Variants in DSG4 observed in about 807,000 individuals in gnomAD.
The protein encoded by DSG4 is desmoglein 4, also known as desmoglein-4.
DSG4 carries 87 observed loss-of-function variants against 93.1 expected under a neutral mutation model. That is an observed-to-expected ratio of 0.93 (90% CI 0.79 to 1.12). DSG4 has a LOEUF of 1.12. DSG4 is among the 50% of genes most tolerant of loss of function. DSG4 has a pLI of 0.00. For missense variants in DSG4, 1,373 were observed against 1,285.7 expected, an observed-to-expected ratio of 1.07 and a Z score of -1.04; for synonymous variants, 432 against 452.9, an observed-to-expected ratio of 0.95 and a Z score of 0.59.
chr18:31,387,380 A>G (rs1374212392), intron 3 of DSG4, among the ~76,000 whole-genome samples: 2 of 152,152 alleles, frequency 1.3e-5, no homozygotes, highest in Non-Finnish European at 2.9e-5. Flanking sequence ...CTTGATCCTG[A>G]ACAGTAAAGT....
intron 10 of DSG4, among the ~76,000 whole-genome samples, 183 bp from the exon 11 acceptor site, chr18:31,403,233 T>G (rs1458231005): frequency 6.6e-6 from 1 of 152,164 alleles, no homozygotes; most frequent in Non-Finnish European, 1.5e-5. Context: ...AGAAGCAGTG[T>G]GGCTGGAAGG....
chr18:31,409,555 G>C lies in DSG4; in HGVS notation c.2037G>C (p.Gln679His). ...PVPEGGEGVM[Q>H]SWRIEGAHPE... Reference sequence around the variant, plus strand: ...CTGAGGGCGGAGAAGGAGTGATGCAGTCTTGGAGAATTGAAGGGGCCCATC... The same window carrying C: ...CTGAGGGCGGAGAAGGAGTGATGCACTCTTGGAGAATTGAAGGGGCCCATC... Residue 679 changes from glutamine (Q) to histidine (H), a missense_variant, in exon 13 of 16, where the codon CAG (glutamine) becomes CAC (histidine). Coordinates refer to ENST00000308128, the MANE Select transcript of DSG4 (RefSeq NM_177986.5). 2 of 1,614,220 alleles carry C rather than the reference G, an allele frequency of 1.2e-6. No individual in the cohort carries two copies. The highest frequency in any genetic ancestry group is 1.1e-5 in the South Asian group (1 of 91,088).
At chr18:31,385,968 T>C (rs984555247) in intron 2 of DSG4, among the ~76,000 whole-genome samples, 2 of 152,140 alleles carry the variant, frequency 1.3e-5, no homozygotes, top group Non-Finnish European at 2.9e-5. Context: ...GGCTTGCACA[T>C]GTAGTGACAT....
intron 1 of DSG4, among the ~76,000 whole-genome samples, chr18:31,383,708 C>G (rs146181492): frequency 1.3e-5 from 2 of 152,104 alleles, no homozygotes; most frequent in Admixed American, 6.6e-5. Flanking sequence ...TCTTCTCTCC[C>G]AAATCCCCCT....
rs1157280689 is a variant in DSG4, at chr18:31,405,171, A to ATGGTTTAGC, written c.1637-903_1637-895dup. Among the ~76,000 whole-genome samples, 37 of 152,354 alleles carry ATGGTTTAGC rather than the reference A, an allele frequency of 2.4e-4. No homozygotes were observed. In the South Asian group the frequency reaches 5.4e-3, roughly 22 times the overall value. On this transcript the variant is annotated intron_variant, in intron 11 of 15. Transcript: ENST00000308128. ...GCTATGGATCAATCAGTTACTATTCATGGTTTAGCTGTAAATTTAATCATC... is the reference window on the plus strand; with the variant it reads ...GCTATGGATCAATCAGTTACTATTCATGGTTTAGCTGGTTTAGCTGTAAATTTAATCATC...
intron 1 of DSG4, among the ~76,000 whole-genome samples, chr18:31,382,703 G>T (rs1598734434): frequency 2.0e-5 from 3 of 152,058 alleles, no homozygotes; most frequent in Non-Finnish European, 4.4e-5. Flanking sequence ...GACAGGATTT[G>T]GAGGGTTTGG....
rs530406179 is a variant in DSG4 at position 31,404,743 on chromosome 18, G to A, written c.1636+1109G>A. ...TTTAATATTTTTTAAAGTTAATCAT[G>A]TTAAAGCAATTCCATTAATATCAAG... On this transcript the variant is annotated intron_variant, in intron 11 of 15. Transcript: ENST00000308128. Among the ~76,000 whole-genome samples the A allele has an allele frequency of 2.0e-4, 30 of 152,226 alleles. 1 individual carries two copies. The South Asian group carries it at 5.8e-3, about 29-fold the overall frequency.
chr18:31,377,149 G>A (rs897570964), intron 1 of DSG4, among the ~76,000 whole-genome samples, 190 bp downstream of exon 1: 11 of 152,068 alleles, frequency 7.2e-5, no homozygotes, highest in Admixed American at 5.9e-4. Flanking sequence ...ATAGAGAAGC[G>A]GGGTGAGAAT....
At chr18:31,379,163 G>T (rs1038837821) in intron 1 of DSG4, among the ~76,000 whole-genome samples, 3 of 152,180 alleles carry the variant, frequency 2.0e-5, no homozygotes, top group African/African-American at 4.8e-5. Flanking sequence ...GACAGGGGTG[G>T]TGAGGGACAT....
chr18:31,400,696 C>T (rs1016620786), intron 9 of DSG4, among the ~76,000 whole-genome samples, 185 bp from the exon 10 acceptor site: 3 of 151,946 alleles, frequency 2.0e-5, no homozygotes, highest in Admixed American at 6.6e-5. Flanking sequence ...ACTTGCAGAC[C>T]TGTATATTAA....
chr18:31,400,204 C>T (rs973229863), intron 9 of DSG4, among the ~76,000 whole-genome samples: 2 of 152,258 alleles, frequency 1.3e-5, no homozygotes, highest in South Asian at 2.1e-4. Flanking sequence ...TTAGAGTAAA[C>T]GAAGTCTACT....
In DSG4 at chr18:31,385,171, G is replaced by A. The variant is rs775474755; in HGVS notation, c.84G>A (p.Glu28=). 3.8e-6 allele frequency: 6 copies of A among 1,576,136 alleles called. No individual in the cohort carries two copies. The highest frequency in any genetic ancestry group is 1.2e-5 in the South Asian group (1 of 84,144). ...AAGTAAACAGTGAATTTATTGTTGAGGTAATGTAAAATAAAATTATTTTCT... is the reference window on the plus strand; with the variant it reads ...AAGTAAACAGTGAATTTATTGTTGAAGTAATGTAAAATAAAATTATTTTCT... ...VMEVNSEFIV[E]VKEFDIENGT... The change falls in exon 2 of 16, where the codon GAG becomes GAA. Residue 28 remains glutamate (E), a splice_region_variant and synonymous_variant. Coordinates refer to ENST00000308128, the MANE Select transcript of DSG4 (RefSeq NM_177986.5).
At chr18:31,388,016 T>A (rs529571800) in intron 3 of DSG4, among the ~76,000 whole-genome samples, 1 of 152,288 alleles carries the variant, frequency 6.6e-6, no homozygotes, top group South Asian at 2.1e-4. Context: ...CACAAGTTAT[T>A]TTTAAAAAAT....
At chr18:31,385,046 T>A in intron 1 of DSG4, 90 bp from the exon 2 acceptor site, 1 of 1,105,588 alleles carries the variant, frequency 9.0e-7, no homozygotes, top group Non-Finnish European at 1.4e-6. Context: ...TAAAAATGAA[T>A]TAATAAAAGA....
chr18:31,410,696 CCAAA>C (rs1326403699), intron 14 of DSG4, among the ~76,000 whole-genome samples: 1 of 152,162 alleles, frequency 6.6e-6, no homozygotes, highest in African/African-American at 2.4e-5. Flanking sequence ...AATGATTGCA[CCAAA>C]CAGAGAGGGT....
At chr18:31,410,971 C>T in intron 14 of DSG4, 1 of 1,027,460 alleles carries the variant, frequency 9.7e-7, no homozygotes, top group South Asian at 1.7e-5. Flanking sequence ...TAGTTCTACA[C>T]CTTTAAGTCT....
intron 5 of DSG4, 67 bp from the exon 6 acceptor site, chr18:31,390,589 T>C (rs777741974): frequency 4.2e-5 from 67 of 1,589,280 alleles, no homozygotes; most frequent in Non-Finnish European, 5.4e-5. Context: ...TGTCTTCTTA[T>C]GCCTAATGAT....
At chr18:31,411,475 AT>A (rs2072492020) in intron 15 of DSG4, 27 bp downstream of exon 15, 3 of 1,609,934 alleles carry the variant, frequency 1.9e-6, no homozygotes, top group Non-Finnish European at 2.5e-6. Flanking sequence ...CACACATAAA[AT>A]CGTCTTGAGA....
chr18:31,408,941 A>T lies in DSG4; in HGVS notation c.1934-511A>T, dbSNP rs1241277445. On this transcript the variant is annotated intron_variant, in intron 12 of 15. Coordinates refer to ENST00000308128, the MANE Select transcript of DSG4 (RefSeq NM_177986.5). ...TTTGATAGCTTTAATTTTTCATTAT[A>T]GTCTATAAACAAAGTCTTAAAATAA... is the stretch of plus-strand genomic sequence containing the variant. Among the ~76,000 whole-genome samples, 4 of 152,236 alleles carry T rather than the reference A, an allele frequency of 2.6e-5. No individual in the cohort carries two copies. In the East Asian group the frequency reaches 7.7e-4, roughly 29 times the overall value.
Sources: gnomAD v4.1 joint callset for allele counts (sites outside exome capture counted in the v4.1 genomes callset) on GRCh38, gnomAD v4.1.1 for gene constraint, MANE v1.5 for transcripts, NCBI Gene and HGNC (gene_info 2026-07-23, HGNC 2026-07-21) for gene names.